VWA8: variants seen among roughly 807,000 people sequenced by gnomAD.
VWA8 encodes the protein von Willebrand factor A domain containing 8, also known as von Willebrand factor A domain-containing protein 8.
Under a neutral mutation model 241.5 loss-of-function variants are expected in VWA8, and 221 were observed. The observed-to-expected ratio is 0.91, with a 90% CI of 0.82 to 1.02. The LOEUF is 1.02. VWA8 is among the 50% of genes least tolerant of loss of function. VWA8 has a pLI of 0.00. For synonymous variants in VWA8, 852 were observed against 827.1 expected, an observed-to-expected ratio of 1.03 and a Z score of -0.52; for missense variants, 2,322 against 2,328.7, an observed-to-expected ratio of 1.00 and a Z score of 0.06.
At chr13:41,838,976 T>C (rs956607897) in intron 12 of VWA8, among the ~76,000 whole-genome samples, 3 of 152,216 alleles carry the variant, frequency 2.0e-5, no homozygotes, top group African/African-American at 7.2e-5. Flanking sequence ...TGTGTCTTTA[T>C]AGTAGAATGA....
At chr13:41,772,982 T>A (rs1296352009) in intron 20 of VWA8, among the ~76,000 whole-genome samples, 1 of 152,244 alleles carries the variant, frequency 6.6e-6, no homozygotes, top group East Asian at 1.9e-4. Context: ...TCTCTAGATA[T>A]AATTTCAAGT....
At chr13:41,778,738 A>G (rs931449410) in intron 19 of VWA8, among the ~76,000 whole-genome samples, 2 of 152,018 alleles carry the variant, frequency 1.3e-5, no homozygotes, top group African/African-American at 2.4e-5. Flanking sequence ...TAGCAGCTAA[A>G]TAAGTACTAA....
intron 37 of VWA8, among the ~76,000 whole-genome samples, chr13:41,618,485 C>T (rs909531060): frequency 6.6e-6 from 1 of 152,136 alleles, no homozygotes; most frequent in Admixed American, 6.5e-5. Context: ...TTATTTAGAT[C>T]CCATTTGTCT....
intron 21 of VWA8, among the ~76,000 whole-genome samples, chr13:41,742,934 A>C (rs1038166067): frequency 6.6e-6 from 1 of 152,212 alleles, no homozygotes; most frequent in East Asian, 1.9e-4. Context: ...GGAGAAGAAG[A>C]GGAAAGGATC....
At chr13:41,858,550 T>A (rs1365297219) in intron 12 of VWA8, among the ~76,000 whole-genome samples, 1 of 151,494 alleles carries the variant, frequency 6.6e-6, no homozygotes, top group Non-Finnish European at 1.5e-5. Context: ...AGGTTGCAGT[T>A]AACCAATATC....
At chr13:41,748,089 G>C (rs1489467259) in intron 21 of VWA8, among the ~76,000 whole-genome samples, 3 of 152,162 alleles carry the variant, frequency 2.0e-5, no homozygotes, top group Non-Finnish European at 4.4e-5. Flanking sequence ...CCAGGCTTTG[G>C]TATCAGGATG....
chr13:41,643,411 C>T (rs1276580019), intron 37 of VWA8, among the ~76,000 whole-genome samples: 1 of 152,198 alleles, frequency 6.6e-6, no homozygotes, highest in Non-Finnish European at 1.5e-5. Context: ...CTCTGAATAG[C>T]TGTCACTTAG....
In VWA8 at chr13:41,841,808, A is replaced by T. The variant is rs1345011096; in HGVS notation, c.1426-8277T>A. On this transcript the variant is annotated intron_variant, in intron 12 of 44. Coordinates refer to ENST00000379310, the MANE Select transcript of VWA8 (RefSeq NM_015058.2). ...TCAAAAAAAAAAAAAAAAAAAAAAA[A>T]AAAAAAAAAAAAATATATATATATA... Among the ~76,000 whole-genome samples the T allele has an allele frequency of 3.2e-3, 102 of 31,418 alleles. 3 individuals carry two copies. The highest frequency in any genetic ancestry group is 8.8e-3 in the African/African-American group (99 of 11,230). The allele number at this position is 31,418 out of a possible 152,430, so 20.6% of individuals were successfully genotyped here.
At position 41,939,480 on chromosome 13, in the gene VWA8, TA is replaced by T. The variant is rs796820552; in HGVS notation, c.241+10455del. Reference sequence around the variant, plus strand: ...GCAGGAGGTAACAAGACCTAGATCATAAAAAAAAAAACTGAAGAGTAATCCA... The same window carrying T: ...GCAGGAGGTAACAAGACCTAGATCATAAAAAAAAAACTGAAGAGTAATCCA... On this transcript the variant is annotated intron_variant, in intron 2 of 44. Coordinates refer to ENST00000379310, the MANE Select transcript of VWA8 (RefSeq NM_015058.2). Among the ~76,000 whole-genome samples the T allele has an allele frequency of 6.9e-5, 10 of 145,396 alleles. 1 individual carries two copies. The highest frequency in any genetic ancestry group is 2.0e-4 in the African/African-American group (8 of 39,838).
chr13:41,721,044 C>T (rs1242575961), intron 25 of VWA8, among the ~76,000 whole-genome samples: 1 of 152,136 alleles, frequency 6.6e-6, no homozygotes, highest in Non-Finnish European at 1.5e-5. Flanking sequence ...ATACCACATG[C>T]TTGTTGTAAA....
intron 4 of VWA8, among the ~76,000 whole-genome samples, chr13:41,906,614 TCA>T (rs549530658): frequency 7.5e-4 from 114 of 152,312 alleles, no homozygotes; most frequent in African/African-American, 2.2e-3. Context: ...CTCTGTTCAT[TCA>T]CAGTTTTATA....
chr13:41,622,403 C>T (rs905370404), intron 37 of VWA8, among the ~76,000 whole-genome samples: 6 of 152,170 alleles, frequency 3.9e-5, no homozygotes, highest in African/African-American at 1.4e-4. Flanking sequence ...TTGGAATGTA[C>T]TTCCTTTGAG....
At chr13:41,940,320 A>T (rs1292168846) in intron 2 of VWA8, among the ~76,000 whole-genome samples, 2 of 152,220 alleles carry the variant, frequency 1.3e-5, no homozygotes, top group Non-Finnish European at 2.9e-5. Context: ...TAATCTTTTT[A>T]GAATTAGGTA....
At chr13:41,654,156 C>T (rs957625773) in intron 37 of VWA8, among the ~76,000 whole-genome samples, 1 of 152,140 alleles carries the variant, frequency 6.6e-6, no homozygotes, top group Admixed American at 6.5e-5. Context: ...GAAAAATCAC[C>T]ACTTTGCAAC....
At chr13:41,637,545 C>A (rs1203033600) in intron 37 of VWA8, among the ~76,000 whole-genome samples, 3 of 150,118 alleles carry the variant, frequency 2.0e-5, no homozygotes, top group African/African-American at 7.4e-5. Context: ...CACATGTACC[C>A]TAGAACTTAA....
At chr13:41,902,206 A>G (rs1236414624) in intron 4 of VWA8, among the ~76,000 whole-genome samples, 1 of 152,130 alleles carries the variant, frequency 6.6e-6, no homozygotes, top group Non-Finnish European at 1.5e-5. Context: ...GAAATATTGT[A>G]CGGATACTAA....
At chr13:41,648,468 T>C (rs1323086178) in intron 37 of VWA8, among the ~76,000 whole-genome samples, 1 of 152,196 alleles carries the variant, frequency 6.6e-6, no homozygotes, top group African/African-American at 2.4e-5. Flanking sequence ...ACTCAAAGGA[T>C]GAGGAAGTAT....
chr13:41,853,011 T>A (rs1272248499), intron 12 of VWA8, among the ~76,000 whole-genome samples: 1 of 152,188 alleles, frequency 6.6e-6, no homozygotes, highest in Non-Finnish European at 1.5e-5. Flanking sequence ...TAGAGATTGA[T>A]TGCATTGAAT....
At chr13:41,577,508 A>G (rs2044357446) in intron 42 of VWA8, among the ~76,000 whole-genome samples, 1 of 152,216 alleles carries the variant, frequency 6.6e-6, no homozygotes, top group East Asian at 1.9e-4. Context: ...GACTAAAGTC[A>G]TCCATGGGTT....
Sources: allele counts gnomAD v4.1 joint callset (sites outside exome capture counted in the v4.1 genomes callset), GRCh38; gene constraint gnomAD v4.1.1; transcripts MANE v1.5; gene names NCBI Gene and HGNC (gene_info 2026-07-23, HGNC 2026-07-21).